RBM33: variants seen among roughly 807,000 people sequenced by gnomAD.
RBM33 encodes RNA-binding protein 33.
Under a neutral mutation model 132.6 loss-of-function variants are expected in RBM33, and 28 were observed. That is an observed-to-expected ratio of 0.21 (90% CI 0.16 to 0.29). The LOEUF (loss-of-function observed/expected upper bound fraction) is 0.29. RBM33 is among the 10% of genes least tolerant of loss of function. The pLI, the probability that RBM33 is intolerant of heterozygous loss-of-function variation, is 1.00. For missense variants in RBM33, 1,291 were observed against 1,518.5 expected, an observed-to-expected ratio of 0.85 and a Z score of 2.49; for synonymous variants, 634 against 593.0, an observed-to-expected ratio of 1.07 and a Z score of -1.01.
chr7:155,701,080 T>C lies in RBM33; in HGVS notation c.739+136T>C. 3 of 726,802 alleles carry C rather than the reference T, an allele frequency of 4.1e-6. No individual in the cohort carries two copies. In the Admixed American group the frequency reaches 6.3e-5, roughly 15 times the overall value. The allele number at this position is 726,802 out of a possible 1,614,324, so 45.0% of individuals were successfully genotyped here. A position where few individuals can be genotyped will look rare whatever the true frequency, so the allele number is the denominator to read the frequency against. On this transcript the variant is annotated intron_variant, in intron 6 of 17. Transcript: ENST00000401878. ...TGCCGTCCGGAGAGTGGCCGGACTT[T>C]GGAGTGAGTGCTGTTTATGGTACTG... is the stretch of plus-strand genomic sequence containing the variant.
chr7:155,644,679 A>C lies in RBM33; in HGVS notation c.-198A>C. ...CCGCGGCGGGCGCGGGCGCGCGGCC[A>C]TGTTGCGGTAGTTTGTTGTTTTCTT... On this transcript the variant is annotated 5_prime_UTR_variant, in exon 1 of 18. An upstream start codon of the reference 5' UTR is lost. Transcript: ENST00000401878. 2.3e-6 allele frequency: 1 copy of C among 428,704 alleles called. No homozygotes were observed. Among genetic ancestry groups the C allele is most frequent in the East Asian group, 3.8e-5 (1 of 26,486 alleles). 26.6% of individuals were successfully genotyped at this position (428,704 alleles called of 1,614,324 possible).
chr7:155,654,849 T>G (rs979002631), intron 1 of RBM33, among the ~76,000 whole-genome samples: 2 of 152,256 alleles, frequency 1.3e-5, no homozygotes, highest in Non-Finnish European at 2.9e-5. Context: ...TTAATAATTT[T>G]ATTTGTCCTC....
intron 5 of RBM33, among the ~76,000 whole-genome samples, chr7:155,698,071 T>C (rs1259473752): frequency 6.6e-6 from 1 of 152,112 alleles, no homozygotes; most frequent in Non-Finnish European, 1.5e-5. Context: ...TAATATTTGT[T>C]AAAAATTATA....
chr7:155,693,303 C>T (rs1002903304), intron 5 of RBM33, among the ~76,000 whole-genome samples: 1 of 151,110 alleles, frequency 6.6e-6, no homozygotes, highest in African/African-American at 2.4e-5. Context: ...CTAGAAGTTG[C>T]ATCTGTTTCA....
rs75346677 is a variant in RBM33, at chr7:155,668,493, G to A, written c.122+3240G>A. 2.6e-3 allele frequency among the ~76,000 whole-genome samples: 399 copies of A among 152,294 alleles called. 12 individuals are homozygous for A. The East Asian group carries it at 0.07, about 27-fold the overall frequency. ...GATGGGATTCAGGTTTGAACTTGGGGGAGGGGCCGGGGTGTGGCAGTGTAG... is the reference window on the plus strand; with the variant it reads ...GATGGGATTCAGGTTTGAACTTGGGAGAGGGGCCGGGGTGTGGCAGTGTAG... On this transcript the variant is annotated intron_variant, in intron 2 of 17. Transcript: ENST00000401878.
chr7:155,696,634 T>G (rs1799801649), intron 5 of RBM33, among the ~76,000 whole-genome samples: 2 of 152,224 alleles, frequency 1.3e-5, no homozygotes, highest in African/African-American at 4.8e-5. Flanking sequence ...TGATGCTTCT[T>G]TTTTGCATCT....
Position 155,774,619 on chromosome 7 carries a change from G to A in RBM33, c.3436G>A (p.Ala1146Thr). ...AGCTAAGTTCAAGGAGCCAGCCCAC[G>A]CATTAGCATTTCAGCAGAAATTCCA... Reference protein sequence around the residue: ...AIAKFKEPAHALAFQQKFHRH... With the variant: ...AIAKFKEPAHTLAFQQKFHRH... The change falls in exon 17 of 18, where the codon GCA becomes ACA. Residue 1146 changes from alanine (A) to threonine (T), a missense_variant. By Grantham distance (58) the Ala-to-Thr change is moderately conservative (BLOSUM62 0). Around this residue, in one of 7 missense-constraint regions of RBM33, gnomAD observed 55 missense variants for 101.4 expected, o/e 0.54. Transcript: ENST00000401878. This position sits in a 1 kb window ranked among gnomAD's most constrained non-coding sequence, Gnocchi z 4.2. The A allele has an allele frequency of 1.2e-6, 2 of 1,613,926 alleles. No individual in the cohort carries two copies. Among genetic ancestry groups the A allele is most frequent in the Non-Finnish European group, 1.7e-6 (2 of 1,179,830 alleles).
chr7:155,734,605 C>A (rs1036977197), intron 9 of RBM33, among the ~76,000 whole-genome samples: 1 of 151,988 alleles, frequency 6.6e-6, no homozygotes, highest in African/African-American at 2.4e-5. Flanking sequence ...TCATTTTGAT[C>A]CCTATGTTTT....
chr7:155,680,709 G>A lies in RBM33; in HGVS notation c.368G>A (p.Gly123Glu). 1 of 1,613,158 alleles carries A rather than the reference G, an allele frequency of 6.2e-7. No individual in the cohort carries two copies. Among genetic ancestry groups the A allele is most frequent in the East Asian group, 2.2e-5 (1 of 44,824 alleles). ...GAATCTGAGTATGAACAAGAACAAGGAGAGGATGAACTGGTTTATCACAAA... is the reference window on the plus strand; with the variant it reads ...GAATCTGAGTATGAACAAGAACAAGAAGAGGATGAACTGGTTTATCACAAA... ...EQESEYEQEQGEDELVYHKSD... is the reference protein window; with the variant it reads ...EQESEYEQEQEEDELVYHKSD... Residue 123 changes from glycine to glutamate, a missense_variant, in exon 5 of 18, where the codon GGA (glycine) becomes GAA (glutamate). Physicochemically the swap from Gly to Glu is moderately conservative, Grantham distance 98. Coordinates refer to ENST00000401878, the MANE Select transcript of RBM33 (RefSeq NM_053043.3).
At chr7:155,692,624 G>A (rs1799678120) in intron 5 of RBM33, among the ~76,000 whole-genome samples, 2 of 152,322 alleles carry the variant, frequency 1.3e-5, no homozygotes, top group African/African-American at 4.8e-5. Flanking sequence ...GCTACTGCTA[G>A]TGATACAGAT....
intron 9 of RBM33, among the ~76,000 whole-genome samples, chr7:155,727,715 G>T (rs1800832713): frequency 6.6e-6 from 1 of 152,212 alleles, no homozygotes; most frequent in Non-Finnish European, 1.5e-5. Flanking sequence ...CTGCCCAGGT[G>T]AGCTCTCCCT....
rs759211729 is a variant in RBM33 at position 155,742,100 on chromosome 7, A to C, written c.2331A>C (p.Glu777Asp). 1.6e-5 allele frequency: 26 copies of C among 1,612,256 alleles called. No individual in the cohort carries two copies. In the East Asian group the frequency reaches 5.6e-4, roughly 35 times the overall value. The change falls in exon 13 of 18, where the codon GAA becomes GAC. Residue 777 changes from glutamate to aspartate, a missense_variant. Transcript: ENST00000401878. ...AACCTAAAGAAGAGGCAAAAACAGAAACAGAGGTAGGACACTGCTCTTATT... is the reference window on the plus strand; with the variant it reads ...AACCTAAAGAAGAGGCAAAAACAGACACAGAGGTAGGACACTGCTCTTATT... ...VAQPKEEAKT[E>D]TEFPDEDEET...
At chr7:155,746,208 A>C (rs115646529) in intron 14 of RBM33, among the ~76,000 whole-genome samples, 1 of 152,070 alleles carries the variant, frequency 6.6e-6, no homozygotes, top group African/African-American at 2.4e-5. Context: ...TTTGGAAATA[A>C]ATTTTCCTTT....
intron 1 of RBM33, among the ~76,000 whole-genome samples, chr7:155,664,441 GT>G (rs1798743529): frequency 6.9e-6 from 1 of 144,562 alleles, no homozygotes; most frequent in Non-Finnish European, 1.5e-5. Flanking sequence ...TTTTTTTTTT[GT>G]ATTTTTTTAG....
At position 155,739,968 on chromosome 7, in the gene RBM33, C is replaced by T; in HGVS notation, c.1991C>T (p.Ala664Val). 1 of 1,564,996 alleles carries T rather than the reference C, an allele frequency of 6.4e-7. No homozygotes were observed. The highest frequency in any genetic ancestry group is 1.2e-5 in the South Asian group (1 of 84,946). The change falls in exon 12 of 18, where the codon GCT becomes GTT. Residue 664 changes from alanine to valine, a missense_variant. Ala to Val is a moderately conservative substitution (Grantham distance 64, BLOSUM62 0). Transcript: ENST00000401878. ...QPQFRPHVQT[A>V]QPQASSSRMQ... is the part of the protein sequence containing the mutation. ...CAGTTCCGGCCTCACGTACAGACCG[C>T]TCAGCCTCAGGCCAGCAGCAGCCGG...
At position 155,710,434 on chromosome 7, in the gene RBM33, G is replaced by C. The variant is rs147698350; in HGVS notation, c.949-769G>C. Among the ~76,000 whole-genome samples, 105 of 152,198 alleles carry C rather than the reference G, an allele frequency of 6.9e-4. 1 individual carries two copies. Among genetic ancestry groups the C allele is most frequent in the African/African-American group, 2.4e-3 (98 of 41,490 alleles). ...GAACTTAAAATGTGGGGAAGATTTA[G>C]TCCACGGCAGCTGTTGCAGTTGTTG... On this transcript the variant is annotated intron_variant, in intron 7 of 17. Coordinates refer to ENST00000401878, the MANE Select transcript of RBM33 (RefSeq NM_053043.3).
At chr7:155,692,302 G>A (rs751508268) in intron 5 of RBM33, among the ~76,000 whole-genome samples, 5 of 152,132 alleles carry the variant, frequency 3.3e-5, no homozygotes, top group Non-Finnish European at 5.9e-5. Flanking sequence ...GAGCGTTTTG[G>A]TAACATTGTC....
intron 9 of RBM33, among the ~76,000 whole-genome samples, chr7:155,728,097 T>C (rs959230908): frequency 6.6e-6 from 1 of 152,194 alleles, no homozygotes; most frequent in Admixed American, 6.5e-5. Context: ...TCTGGTATAT[T>C]TCACGGATCA....
At chr7:155,645,033 C>T in intron 1 of RBM33, 114 bp downstream of exon 1, 1 of 746,924 alleles carries the variant, frequency 1.3e-6, no homozygotes. Context: ...CTCCGACTCT[C>T]TTTGTGTTCG....
Sources: gnomAD v4.1 joint callset for allele counts (sites outside exome capture counted in the v4.1 genomes callset) on GRCh38, gnomAD v4.1.1 for gene constraint, gnomAD v4.1.1 regional missense constraint, Gnocchi (gnomAD v3.1) non-coding constraint, MANE v1.5 for transcripts, NCBI Gene and HGNC (gene_info 2026-07-23, HGNC 2026-07-21) for gene names.